Variants in DLG2 observed in about 807,000 individuals in gnomAD.
DLG2 encodes the protein discs large MAGUK scaffold protein 2.
A neutral mutation model predicts 132.5 loss-of-function variants in DLG2; 45 were observed. The ratio of observed to expected loss-of-function variants is 0.34; its 90% CI spans 0.27 to 0.44. DLG2 has a LOEUF of 0.44. Among genes scored for constraint, DLG2 ranks in the 20% least tolerant of loss-of-function variants. The probability of loss-of-function intolerance (pLI) is 1.00; values close to 1 mark genes in which losing one functional copy is unlikely to be tolerated. For synonymous variants in DLG2, 424 were observed against 419.6 expected, an observed-to-expected ratio of 1.01 and a Z score of -0.13; for missense variants, 1,045 against 1,196.9, an observed-to-expected ratio of 0.87 and a Z score of 1.87.
chr11:83,839,442 T>C (rs967022509), intron 16 of DLG2, among the ~76,000 whole-genome samples: 1 of 152,190 alleles, frequency 6.6e-6, no homozygotes, highest in Non-Finnish European at 1.5e-5. Flanking sequence ...TTTTAAAGCA[T>C]TTCACATATA....
intron 8 of DLG2, among the ~76,000 whole-genome samples, chr11:84,207,646 G>A (rs1200727961): frequency 6.6e-6 from 1 of 152,014 alleles, no homozygotes; most frequent in East Asian, 1.9e-4. Flanking sequence ...TTTTGTGATG[G>A]ATTAAAAACC....
chr11:84,273,717 A>G (rs931708071), intron 7 of DLG2, among the ~76,000 whole-genome samples: 6 of 152,220 alleles, frequency 3.9e-5, no homozygotes, highest in Non-Finnish European at 7.4e-5. Flanking sequence ...ATGTACATAT[A>G]CAGATGTCAG....
intron 7 of DLG2, among the ~76,000 whole-genome samples, chr11:84,513,850 C>T (rs2099264383): frequency 2.0e-5 from 3 of 151,380 alleles, no homozygotes; most frequent in Non-Finnish European, 4.4e-5. Context: ...ATGGGAATCA[C>T]ATCTAGTTAA....
At chr11:84,024,167 G>A (rs1340461940) in intron 11 of DLG2, among the ~76,000 whole-genome samples, 2 of 152,120 alleles carry the variant, frequency 1.3e-5, no homozygotes, top group Admixed American at 1.3e-4. Flanking sequence ...GCAAAGAGAA[G>A]TCTAGGGATC....
chr11:83,572,829 C>A (rs1303218977), intron 19 of DLG2, among the ~76,000 whole-genome samples: 1 of 152,072 alleles, frequency 6.6e-6, no homozygotes, highest in Admixed American at 6.6e-5. Flanking sequence ...CTCCTTAATT[C>A]GTTACAGAGA....
intron 11 of DLG2, among the ~76,000 whole-genome samples, chr11:83,999,672 T>C (rs2094238780): frequency 6.6e-6 from 1 of 152,066 alleles, no homozygotes; most frequent in Non-Finnish European, 1.5e-5. Context: ...CTGCTTGGCA[T>C]CCCACTCCCC....
At chr11:84,174,423 T>C (rs2095899909) in intron 8 of DLG2, among the ~76,000 whole-genome samples, 1 of 152,138 alleles carries the variant, frequency 6.6e-6, no homozygotes, top group Non-Finnish European at 1.5e-5. Context: ...GTCCCCAACC[T>C]ACCTTTCTAG....
chr11:84,318,312 T>C (rs1324881699), intron 7 of DLG2, among the ~76,000 whole-genome samples: 1 of 152,246 alleles, frequency 6.6e-6, no homozygotes, highest in East Asian at 1.9e-4. Flanking sequence ...TTTTATTCTG[T>C]TTGAAACTTT....
chr11:83,696,999 A>G (rs2082060294), intron 18 of DLG2, among the ~76,000 whole-genome samples: 1 of 152,254 alleles, frequency 6.6e-6, no homozygotes, highest in Admixed American at 6.5e-5. Context: ...AGATGAAAGA[A>G]GAGATCATTC....
intron 7 of DLG2, among the ~76,000 whole-genome samples, chr11:84,530,922 A>C (rs1475905575): frequency 6.6e-6 from 1 of 152,128 alleles, no homozygotes; most frequent in African/African-American, 2.4e-5. Context: ...GTACATATAC[A>C]CTACAAAATA....
chr11:83,775,330 A>G (rs1308133319), intron 18 of DLG2, among the ~76,000 whole-genome samples: 4 of 152,180 alleles, frequency 2.6e-5, no homozygotes, highest in Non-Finnish European at 5.9e-5. Context: ...CTTTTATGAG[A>G]AACAGGATGG....
chr11:84,270,453 T>C (rs2097705980), intron 7 of DLG2, among the ~76,000 whole-genome samples: 1 of 152,212 alleles, frequency 6.6e-6, no homozygotes, highest in Non-Finnish European at 1.5e-5. Flanking sequence ...TTCCTTCTTC[T>C]CTGAAGACTG....
chr11:84,523,100 A>G (rs1484829892), intron 7 of DLG2, among the ~76,000 whole-genome samples: 1 of 152,202 alleles, frequency 6.6e-6, no homozygotes, highest in Non-Finnish European at 1.5e-5. Flanking sequence ...AAGGATGAGG[A>G]TTTAACAATT....
At chr11:85,085,465 G>A (rs914114667) in intron 6 of DLG2, among the ~76,000 whole-genome samples, 1 of 151,928 alleles carries the variant, frequency 6.6e-6, no homozygotes, top group African/African-American at 2.4e-5. Context: ...ATCTTTGTGT[G>A]TTTGTATTTT....
chr11:83,631,462 G>T lies in DLG2; in HGVS notation c.1940+1749C>A, dbSNP rs911842248. ...TATTTTTGAGTCTCATTAAAAAGAG[G>T]TTCCTCCTTTCAATACAATCTCCAA... On this transcript the variant is annotated intron_variant, in intron 19 of 27. Transcript: ENST00000376104. 7 of 151,962 alleles carry T rather than the reference G, an allele frequency of 4.6e-5. No individual in the cohort carries two copies. In the South Asian group the frequency reaches 6.2e-4, roughly 14 times the overall value. The allele number at this position is 151,962 out of a possible 1,614,324, so 9.4% of individuals were successfully genotyped here.
intron 8 of DLG2, among the ~76,000 whole-genome samples, chr11:84,239,409 T>G (rs2097198641): frequency 6.6e-6 from 1 of 152,156 alleles, no homozygotes; most frequent in Non-Finnish European, 1.5e-5. Flanking sequence ...TTGAACTCCC[T>G]GACCTCAGGT....
intron 10 of DLG2, among the ~76,000 whole-genome samples, chr11:84,063,969 G>C (rs2096631537): frequency 6.6e-6 from 1 of 151,814 alleles, no homozygotes; most frequent in South Asian, 2.1e-4. Flanking sequence ...GTTGTGGGGT[G>C]GGGGGCTGGG....
chr11:84,042,800 C>T (rs2096126351), intron 11 of DLG2, among the ~76,000 whole-genome samples: 2 of 151,810 alleles, frequency 1.3e-5, no homozygotes, highest in Non-Finnish European at 2.9e-5. Context: ...CCAAACACCA[C>T]ATGTTCTCAC....
chr11:85,470,512 CAGG>C (rs950364533), intron 3 of DLG2, among the ~76,000 whole-genome samples: 3 of 152,110 alleles, frequency 2.0e-5, no homozygotes, highest in African/African-American at 7.2e-5. Context: ...CACTTGAGAT[CAGG>C]AGTTCGAGAC....
Sources: gnomAD v4.1 joint callset for allele counts (sites outside exome capture counted in the v4.1 genomes callset) on GRCh38, gnomAD v4.1.1 for gene constraint, MANE v1.5 for transcripts, NCBI Gene and HGNC (gene_info 2026-07-23, HGNC 2026-07-21) for gene names.